Variants in ARK2C observed in about 807,000 individuals in gnomAD.
ARK2C encodes E3 ubiquitin-protein ligase ARK2C.
At chr18:46,400,855 TA>T in the ARK2C span, among the ~76,000 whole-genome samples, 1 of 152,152 alleles carries the variant, frequency 6.6e-6, no homozygotes, top group Non-Finnish European at 1.5e-5. Flanking sequence ...AAAATCCTGG[TA>T]AAGCCTCAGG....
At chr18:46,385,400 G>A in the ARK2C span, among the ~76,000 whole-genome samples, 63 of 152,148 alleles carry the variant, frequency 4.1e-4, no homozygotes, top group African/African-American at 1.4e-3. Flanking sequence ...GTGAGTGTGC[G>A]TGTGCATATG....
chr18:46,354,095 A>G, the ARK2C span, among the ~76,000 whole-genome samples: 58 of 152,262 alleles, frequency 3.8e-4, no homozygotes, highest in African/African-American at 1.3e-3. Context: ...AGGCTCCCCA[A>G]TTCTCTCCTC....
At chr18:46,429,378 G>A in the ARK2C span, among the ~76,000 whole-genome samples, 3 of 152,142 alleles carry the variant, frequency 2.0e-5, no homozygotes, top group Non-Finnish European at 2.9e-5. Context: ...TCCCTCAACC[G>A]CAGTGCGCTT....
At chr18:46,425,019 T>C in the ARK2C span, among the ~76,000 whole-genome samples, 1 of 152,218 alleles carries the variant, frequency 6.6e-6, no homozygotes, top group African/African-American at 2.4e-5. Context: ...GTCTTCTTTC[T>C]CCCTGCCCCT....
the ARK2C span, among the ~76,000 whole-genome samples, chr18:46,341,336 G>A: frequency 7.3e-6 from 1 of 136,804 alleles, no homozygotes; most frequent in Non-Finnish European, 1.5e-5. Flanking sequence ...TGGGACAGGC[G>A]TGGGGGGTAG....
At chr18:46,406,574 C>T in the ARK2C span, among the ~76,000 whole-genome samples, 3 of 152,230 alleles carry the variant, frequency 2.0e-5, no homozygotes, top group Non-Finnish European at 4.4e-5. Flanking sequence ...GAGGTCCTGG[C>T]TTGCCCAGGG....
chr18:46,409,877 T>C, the ARK2C span, among the ~76,000 whole-genome samples: 6 of 152,210 alleles, frequency 3.9e-5, no homozygotes, highest in African/African-American at 1.4e-4. Context: ...TTGTTTCCAG[T>C]CTTTTGTACT....
chr18:46,389,888 C>T, the ARK2C span, among the ~76,000 whole-genome samples: 2 of 152,156 alleles, frequency 1.3e-5, no homozygotes, highest in African/African-American at 4.8e-5. Context: ...GCCACCATAC[C>T]CAGCTAAGTT....
chr18:46,368,451 C>G, the ARK2C span, among the ~76,000 whole-genome samples: 1 of 152,198 alleles, frequency 6.6e-6, no homozygotes, highest in Admixed American at 6.5e-5. Context: ...GAAGAGCTGG[C>G]AGAAGCTCAT....
chr18:46,433,850 C>T, the ARK2C span, among the ~76,000 whole-genome samples: 1 of 152,188 alleles, frequency 6.6e-6, no homozygotes, highest in African/African-American at 2.4e-5. Context: ...ACAGTGGACT[C>T]CTGCATGGTG....
the ARK2C span, among the ~76,000 whole-genome samples, chr18:46,381,964 C>T: frequency 1.3e-5 from 2 of 152,338 alleles, no homozygotes; most frequent in Admixed American, 1.3e-4. Context: ...CCCGCAGGGC[C>T]TCCCTTCTCT....
chr18:46,418,699 A>G, the ARK2C span, among the ~76,000 whole-genome samples: 31 of 152,354 alleles, frequency 2.0e-4, no homozygotes, highest in Middle Eastern at 3.4e-3. Flanking sequence ...TGATGATTGA[A>G]TAAGTCAAAT....
At chr18:46,399,474 G>A in the ARK2C span, among the ~76,000 whole-genome samples, 8 of 152,238 alleles carry the variant, frequency 5.3e-5, no homozygotes, top group Non-Finnish European at 8.8e-5. Flanking sequence ...CCTGTGAGGA[G>A]CCGGTTTTAT....
At chr18:46,383,153 G>A in the ARK2C span, among the ~76,000 whole-genome samples, 3 of 152,246 alleles carry the variant, frequency 2.0e-5, no homozygotes, top group Non-Finnish European at 4.4e-5. Flanking sequence ...AGGCAGACAT[G>A]GCCAGATGAT....
chr18:46,440,207 C>T, the ARK2C span, among the ~76,000 whole-genome samples: 1 of 152,110 alleles, frequency 6.6e-6, no homozygotes, highest in Non-Finnish European at 1.5e-5. Context: ...CCTGTGGTTT[C>T]GCTTTCCAGG....
chr18:46,446,238 C>A, the ARK2C span, among the ~76,000 whole-genome samples: 1 of 152,050 alleles, frequency 6.6e-6, no homozygotes, highest in Non-Finnish European at 1.5e-5. Flanking sequence ...GACAAAAATT[C>A]AAGAAAAATT....
the ARK2C span, among the ~76,000 whole-genome samples, chr18:46,426,781 C>G: frequency 6.6e-6 from 1 of 152,324 alleles, no homozygotes; most frequent in African/African-American, 2.4e-5. Context: ...CATAATGGGT[C>G]TTTCAACTGA....
the ARK2C span, among the ~76,000 whole-genome samples, chr18:46,445,929 T>C: frequency 6.6e-6 from 1 of 151,698 alleles, no homozygotes; most frequent in East Asian, 1.9e-4. Context: ...AATGTATTTG[T>C]TGAAGAATCC....
chr18:46,420,110 G>T, the ARK2C span, among the ~76,000 whole-genome samples: 1 of 152,144 alleles, frequency 6.6e-6, no homozygotes, highest in Non-Finnish European at 1.5e-5. Context: ...GGCGTGTGGA[G>T]GTCAACTCCC....
Sources: allele counts gnomAD v4.1 joint callset (sites outside exome capture counted in the v4.1 genomes callset), GRCh38; gene constraint gnomAD v4.1.1; transcripts MANE v1.5; gene names NCBI Gene and HGNC (gene_info 2026-07-23, HGNC 2026-07-21).